The following FAM178B variants were observed in gnomAD, a reference collection of about 807,000 sequenced individuals.
FAM178B encodes the protein protein FAM178B.
In FAM178B, 82 loss-of-function variants were observed where a neutral mutation model predicts 91.7. The observed-to-expected ratio is 0.89, with a 90% CI of 0.75 to 1.07. FAM178B has a LOEUF of 1.07. Ranked by LOEUF, FAM178B falls within the 50% of genes least tolerant of loss-of-function variation. The probability of loss-of-function intolerance (pLI) is 0.00; values close to 1 mark genes in which losing one functional copy is unlikely to be tolerated. For synonymous variants in FAM178B, 368 were observed against 359.4 expected (o/e 1.02, Z -0.27); for missense variants, 769 against 846.7 (o/e 0.91, Z 1.14).
Position 96,898,833 on chromosome 2 carries a change from G to A in FAM178B, c.1650+3787C>T, listed in dbSNP as rs182977124. Among the ~76,000 whole-genome samples, 375 of 152,308 alleles carry A rather than the reference G, an allele frequency of 2.5e-3. 15 individuals are homozygous for A. In the East Asian group the frequency reaches 0.041, roughly 17 times the overall value. ...ATGGGAGCTGCCACTACTGCGGGTC[G>A]GGGGTGACAGGTGGAAAGGAAGAAG... On this transcript the variant is annotated intron_variant, in intron 13 of 16. Coordinates refer to ENST00000490605, the MANE Select transcript of FAM178B (RefSeq NM_001122646.3).
At chr2:96,897,936 G>C in intron 13 of FAM178B, 7 of 985,106 alleles carry the variant, frequency 7.1e-6, no homozygotes, top group Non-Finnish European at 8.4e-6. Context: ...AATGCTGTAA[G>C]TCCTGTCCTT....
chr2:96,951,090 G>A (rs1409694512), intron 7 of FAM178B, among the ~76,000 whole-genome samples: 1 of 152,148 alleles, frequency 6.6e-6, no homozygotes, highest in Non-Finnish European at 1.5e-5. Flanking sequence ...GCCACGTGAG[G>A]GCACAGGCAG....
intron 10 of FAM178B, among the ~76,000 whole-genome samples, chr2:96,922,592 C>T (rs535706874): frequency 2.1e-4 from 32 of 152,344 alleles, no homozygotes; most frequent in African/African-American, 7.2e-4. Context: ...GCAGGTGATT[C>T]ACCCACGTTG....
chr2:96,897,406 G>A (rs1016629561), intron 13 of FAM178B, among the ~76,000 whole-genome samples: 14 of 152,158 alleles, frequency 9.2e-5, no homozygotes, highest in Non-Finnish European at 1.8e-4. Flanking sequence ...TGAGCCACCC[G>A]AAGCCCACGT....
chr2:96,916,740 G>A (rs1185577555), intron 12 of FAM178B, among the ~76,000 whole-genome samples: 1 of 152,206 alleles, frequency 6.6e-6, no homozygotes, highest in African/African-American at 2.4e-5. Context: ...CATTTGCAGT[G>A]CATCCCATGA....
intron 9 of FAM178B, 145 bp downstream of exon 9, chr2:96,929,061 G>A (rs1043600574): frequency 4.7e-6 from 3 of 638,066 alleles, no homozygotes; most frequent in Non-Finnish European, 8.4e-6. Context: ...AGGAGGCTGA[G>A]GTGGGAGGAT....
intron 6 of FAM178B, 114 bp from the exon 7 acceptor site, chr2:96,951,598 G>A: frequency 1.3e-6 from 1 of 762,246 alleles, no homozygotes; most frequent in Middle Eastern, 2.8e-4. Flanking sequence ...AAGCATATCT[G>A]TAACGCTAGA....
At chr2:96,969,182 G>A (rs914143475) in intron 4 of FAM178B, among the ~76,000 whole-genome samples, 3 of 152,216 alleles carry the variant, frequency 2.0e-5, no homozygotes, top group Non-Finnish European at 4.4e-5. Context: ...TCCAGAGCCT[G>A]GCATGGTGCA....
intron 5 of FAM178B, 56 bp downstream of exon 5, chr2:96,967,464 G>A (rs2153375444): frequency 9.0e-7 from 1 of 1,107,982 alleles, no homozygotes; most frequent in Non-Finnish European, 1.3e-6. Flanking sequence ...AACCAGAGGG[G>A]GTTGGCACCT....
At chr2:96,973,999 T>C (rs976206264) in intron 1 of FAM178B, among the ~76,000 whole-genome samples, 4 of 151,842 alleles carry the variant, frequency 2.6e-5, no homozygotes, top group African/African-American at 7.3e-5. Context: ...TGAGACTCTG[T>C]CTCAAAATAC....
chr2:96,899,851 C>CTTT (rs78433909), intron 13 of FAM178B, among the ~76,000 whole-genome samples: 10 of 113,508 alleles, frequency 8.8e-5, no homozygotes, highest in East Asian at 3.0e-4. Flanking sequence ...ATTCCCCACT[C>CTTT]TTTTTTTTTT....
rs1156810206 is a variant in FAM178B at position 96,921,580 on chromosome 2, C to T, written c.1362G>A (p.Leu454=). The change falls in exon 11 of 17, where the codon CTG becomes CTA. Residue 454 remains leucine (L), a synonymous_variant. Coordinates refer to ENST00000490605, the MANE Select transcript of FAM178B (RefSeq NM_001122646.3). ...DENLMGLIEL[L]CRTSLDVGLR... ...GCCCCACGTCCAGGCTGGTGCGGCA[C>T]AGCAGCTCAATCAGTCCCATGAGGT... 6.4e-7 allele frequency: 1 copy of T among 1,551,580 alleles called. No individual in the cohort carries two copies. The highest frequency in any genetic ancestry group is 8.7e-7 in the Non-Finnish European group (1 of 1,147,000).
chr2:96,971,335 G>A (rs1408160009), intron 3 of FAM178B, among the ~76,000 whole-genome samples: 1 of 139,848 alleles, frequency 7.2e-6, no homozygotes, highest in East Asian at 2.0e-4. Context: ...CCTCTCCCTT[G>A]TGTCTCTGTC....
intron 12 of FAM178B, among the ~76,000 whole-genome samples, chr2:96,903,432 G>A (rs1046772668): frequency 6.6e-6 from 1 of 152,232 alleles, no homozygotes; most frequent in Non-Finnish European, 1.5e-5. Flanking sequence ...GGCCTCAGCA[G>A]GCCAAACTTC....
intron 13 of FAM178B, among the ~76,000 whole-genome samples, chr2:96,898,999 C>T (rs913679848): frequency 6.6e-6 from 1 of 152,092 alleles, no homozygotes; most frequent in Non-Finnish European, 1.5e-5. Flanking sequence ...GCTGTGGGGA[C>T]GAGGTGGCCC....
At position 96,929,272 on chromosome 2, in the gene FAM178B, G is replaced by A. The variant is rs999993618; in HGVS notation, c.1127C>T (p.Ala376Val). The A allele has an allele frequency of 3.2e-6, 5 of 1,551,514 alleles. No individual in the cohort carries two copies. In the African/African-American group the frequency reaches 6.8e-5, roughly 21 times the overall value. The change falls in exon 9 of 17, where the codon GCA (alanine) becomes GTA (valine). Residue 376 changes from alanine (A) to valine (V), a missense_variant. Transcript: ENST00000490605. ...ACTGTGGGCACCCAGGCTGTGGAAT[G>A]CCTCCCTGACTTCTTGCAGTGAGGG... ...WCPSLQEVRE[A>V]FHSLGAHSPA...
At chr2:96,882,619 C>T (rs2080414660) in intron 14 of FAM178B, among the ~76,000 whole-genome samples, 2 of 152,246 alleles carry the variant, frequency 1.3e-5, no homozygotes, top group South Asian at 4.1e-4. Context: ...GCCCAGGCTG[C>T]ACTCCCTGCC....
chr2:96,911,583 C>A (rs528731347), intron 12 of FAM178B, among the ~76,000 whole-genome samples: 1 of 152,188 alleles, frequency 6.6e-6, no homozygotes, highest in Admixed American at 6.5e-5. Flanking sequence ...ATCAGCAATG[C>A]GAACACATGA....
intron 10 of FAM178B, 126 bp downstream of exon 10, chr2:96,923,364 A>G: frequency 1.4e-6 from 1 of 720,528 alleles, no homozygotes; most frequent in Non-Finnish European, 2.4e-6. Flanking sequence ...GCCCACAGCC[A>G]GCACAGTGCC....
Sources: allele counts gnomAD v4.1 joint callset (sites outside exome capture counted in the v4.1 genomes callset), GRCh38; gene constraint gnomAD v4.1.1; transcripts MANE v1.5; gene names NCBI Gene and HGNC (gene_info 2026-07-23, HGNC 2026-07-21).